PRKCI: variants seen among roughly 807,000 people sequenced by gnomAD.
PRKCI encodes the protein protein kinase C iota type.
A neutral mutation model predicts 84.0 loss-of-function variants in PRKCI; 43 were observed. The ratio of observed to expected loss-of-function variants is 0.51; its 90% CI spans 0.40 to 0.66. The LOEUF (loss-of-function observed/expected upper bound fraction) is 0.66, where lower values mean the gene tolerates loss of function less well. PRKCI is among the 30% of genes least tolerant of loss of function. The pLI, the probability that PRKCI is intolerant of heterozygous loss-of-function variation, is 0.00. For synonymous variants in PRKCI, 216 were observed against 234.4 expected (o/e 0.92, Z 0.72); for missense variants, 459 against 745.6 (o/e 0.62, Z 4.48).
intron 1 of PRKCI, among the ~76,000 whole-genome samples, chr3:170,227,464 C>T (rs1039356768): frequency 1.3e-5 from 2 of 152,106 alleles, no homozygotes; most frequent in East Asian, 1.9e-4. Flanking sequence ...CAGGAATAGA[C>T]GTTGGGGAGG....
intron 2 of PRKCI, among the ~76,000 whole-genome samples, chr3:170,238,355 T>TC (rs1257593060): frequency 2.7e-5 from 4 of 150,870 alleles, no homozygotes; most frequent in Non-Finnish European, 5.9e-5. Flanking sequence ...AGAGCGAGAC[T>TC]CCATTTCAAA....
At position 170,276,880 on chromosome 3, in the gene PRKCI, A is replaced by G. The variant is rs377303108; in HGVS notation, c.705+1593A>G. The stretch of plus-strand genomic sequence containing the variant: ...ATGGGAGAAAATAGTCACAAACTAT[A>G]CATCCAACAAAGATCTCATATCCAG... On this transcript the variant is annotated intron_variant, in intron 8 of 17. Transcript: ENST00000295797. 3.8e-4 allele frequency among the ~76,000 whole-genome samples: 58 copies of G among 152,238 alleles called. No homozygotes were observed. In the East Asian group the frequency reaches 8.1e-3, roughly 21 times the overall value.
In PRKCI at chr3:170,266,162, A is replaced by G. The variant is rs866034526; in HGVS notation, c.365-1753A>G. Among the ~76,000 whole-genome samples the G allele has an allele frequency of 3.9e-5, 6 of 152,288 alleles. No individual in the cohort carries two copies. In the Middle Eastern group the frequency reaches 0.014, roughly 345 times the overall value. ...AATAATGATGGACTTAAAAATATGA[A>G]GGTGGACTAGATTTGATCGTTTGGA... On this transcript the variant is annotated intron_variant, in intron 4 of 17. Transcript: ENST00000295797.
intron 2 of PRKCI, among the ~76,000 whole-genome samples, chr3:170,255,470 A>G (rs1477841920): frequency 6.6e-6 from 1 of 152,208 alleles, no homozygotes; most frequent in Admixed American, 6.5e-5. Context: ...GCTGTGGCAT[A>G]TAGAAATGCT....
At chr3:170,266,541 G>GACTCT (rs1416955341) in intron 4 of PRKCI, among the ~76,000 whole-genome samples, 2 of 147,196 alleles carry the variant, frequency 1.4e-5, no homozygotes, top group East Asian at 4.1e-4. Flanking sequence ...CAACTAACCA[G>GACTCT]ACTCTTTAAA....
At chr3:170,278,310 C>A (rs745815957) in intron 8 of PRKCI, among the ~76,000 whole-genome samples, 15 of 152,206 alleles carry the variant, frequency 9.9e-5, no homozygotes, top group Non-Finnish European at 2.2e-4. Flanking sequence ...AACCTGGTTT[C>A]TTTTCACTCT....
intron 8 of PRKCI, among the ~76,000 whole-genome samples, chr3:170,275,785 C>G (rs547657403): frequency 6.6e-6 from 1 of 152,044 alleles, no homozygotes; most frequent in Non-Finnish European, 1.5e-5. Flanking sequence ...TCCCACCTTC[C>G]ACTCCCAGTT....
chr3:170,240,779 C>G (rs1434585971), intron 2 of PRKCI, among the ~76,000 whole-genome samples: 1 of 152,152 alleles, frequency 6.6e-6, no homozygotes, highest in Admixed American at 6.5e-5. Context: ...TATGTTGGAG[C>G]AAGTAAAGAT....
At chr3:170,261,712 G>A (rs992986784) in intron 3 of PRKCI, among the ~76,000 whole-genome samples, 4 of 152,088 alleles carry the variant, frequency 2.6e-5, no homozygotes, top group African/African-American at 9.7e-5. Flanking sequence ...TCGAACTCCT[G>A]ACCTCAGGTG....
chr3:170,267,553 A>T (rs1733892325), intron 4 of PRKCI, among the ~76,000 whole-genome samples: 1 of 151,702 alleles, frequency 6.6e-6, no homozygotes, highest in Non-Finnish European at 1.5e-5. Context: ...CATCTCTGTA[A>T]TCTCAGCTAC....
At chr3:170,290,531 G>GTA (rs137879887) in intron 12 of PRKCI, among the ~76,000 whole-genome samples, 2,563 of 147,912 alleles carry the variant, frequency 0.017, 47 homozygotes, top group East Asian at 0.091. Flanking sequence ...TATGTATTTT[G>GTA]TATATATATA....
chr3:170,281,355 G>T, intron 10 of PRKCI, 92 bp downstream of exon 10: 2 of 975,794 alleles, frequency 2.0e-6, no homozygotes, highest in Admixed American at 2.0e-5. Flanking sequence ...TCATGAAGTT[G>T]ATATCATGGA....
At chr3:170,292,984 T>C (rs1185576556) in intron 13 of PRKCI, among the ~76,000 whole-genome samples, 1 of 145,560 alleles carries the variant, frequency 6.9e-6, no homozygotes, top group African/African-American at 2.6e-5. Flanking sequence ...GAGCTTGCAG[T>C]GAGCCGAGAT....
intron 14 of PRKCI, among the ~76,000 whole-genome samples, chr3:170,294,693 T>A (rs1734650753): frequency 6.6e-6 from 1 of 152,192 alleles, no homozygotes; most frequent in Admixed American, 6.5e-5. Flanking sequence ...AACAATCCTA[T>A]GAAGTATTTT....
In PRKCI at chr3:170,304,209, C is replaced by T. The variant is rs2108870501; in HGVS notation, c.*1082C>T. Reference sequence around the variant, plus strand: ...AAGGATGCAGTTGAATGGAAAATTACTCAGTGTATAGAAAGGAAAAAAACC... The same window carrying T: ...AAGGATGCAGTTGAATGGAAAATTATTCAGTGTATAGAAAGGAAAAAAACC... On this transcript the variant is annotated 3_prime_UTR_variant, in exon 18 of 18. Transcript: ENST00000295797. The T allele has an allele frequency of 6.6e-6, 1 of 152,056 alleles. No individual in the cohort carries two copies. Among genetic ancestry groups the T allele is most frequent in the South Asian group, 2.1e-4 (1 of 4,820 alleles). 9.4% of individuals were successfully genotyped at this position (152,056 alleles called of 1,614,324 possible). A position where few individuals can be genotyped will look rare whatever the true frequency, so the allele number is the denominator to read the frequency against.
At chr3:170,231,994 C>CA (rs1168396286) in intron 1 of PRKCI, among the ~76,000 whole-genome samples, 15 of 149,106 alleles carry the variant, frequency 1.0e-4, no homozygotes, top group Non-Finnish European at 1.8e-4. Context: ...GACTCTGTCT[C>CA]AAAAAAAACT....
At chr3:170,291,186 A>G (rs1221179177) in intron 12 of PRKCI, among the ~76,000 whole-genome samples, 1 of 152,030 alleles carries the variant, frequency 6.6e-6, no homozygotes, top group Non-Finnish European at 1.5e-5. Flanking sequence ...AAAATATTGT[A>G]GTCTTATCAA....
intron 13 of PRKCI, 137 bp downstream of exon 13, chr3:170,292,078 A>G (rs763264513): frequency 4.4e-6 from 3 of 675,414 alleles, no homozygotes; most frequent in Admixed American, 5.0e-5. Flanking sequence ...GTTAAAAACT[A>G]CATGGAGAGT....
chr3:170,280,235 C>A lies in PRKCI; in HGVS notation c.714C>A (p.Asn238Lys). 1 of 1,610,130 alleles carries A rather than the reference C, an allele frequency of 6.2e-7. No homozygotes were observed. ...DQVGEEKEAMNTRESGKASSS... is the reference protein window; with the variant it reads ...DQVGEEKEAMKTRESGKASSS... ...ACAAATGTTCTCAACAGGCAATGAA[C>A]ACCAGGGAAAGTGGCAAAGCTTCAT... is the stretch of plus-strand genomic sequence containing the variant. Residue 238 changes from asparagine (N) to lysine (K), a missense_variant, in exon 9 of 18, where the codon AAC becomes AAA. This residue lies in a region of PRKCI where 250 missense variants were observed against 319.7 expected (regional missense o/e 0.78). Coordinates refer to ENST00000295797, the MANE Select transcript of PRKCI (RefSeq NM_002740.6).
Sources: gnomAD v4.1 joint callset for allele counts (sites outside exome capture counted in the v4.1 genomes callset) on GRCh38, gnomAD v4.1.1 for gene constraint, gnomAD v4.1.1 regional missense constraint, MANE v1.5 for transcripts, NCBI Gene and HGNC (gene_info 2026-07-23, HGNC 2026-07-21) for gene names.